The following MRTFA variants were observed in gnomAD, a reference collection of about 807,000 sequenced individuals.
MRTFA encodes myocardin related transcription factor A.
In MRTFA, 20 loss-of-function variants were observed where a neutral mutation model predicts 83.5. The observed-to-expected ratio is 0.24, with a 90% confidence interval of 0.17 to 0.35. The LOEUF is 0.35. Among genes scored for constraint, MRTFA ranks in the 10% least tolerant of loss-of-function variants. The pLI, the probability that MRTFA is intolerant of heterozygous loss-of-function variation, is 1.00. For synonymous variants in MRTFA, 659 were observed against 541.2 expected, an observed-to-expected ratio of 1.22 and a Z score of -3.02; for missense variants, 1,200 against 1,224.7, an observed-to-expected ratio of 0.98 and a Z score of 0.30.
intron 1 of MRTFA, among the ~76,000 whole-genome samples, 153 bp from the exon 2 acceptor site, chr22:40,594,888 A>T (rs995108872): frequency 2.9e-5 from 3 of 101,898 alleles, no homozygotes; most frequent in African/African-American, 8.0e-5. Flanking sequence ...GTCACTGGTT[A>T]AAAAAAAAAA....
chr22:40,575,026 C>T (rs962969143), intron 2 of MRTFA, among the ~76,000 whole-genome samples: 2 of 152,204 alleles, frequency 1.3e-5, no homozygotes, highest in Non-Finnish European at 2.9e-5. Context: ...TATATTTACA[C>T]ACGAGGCAGT....
chr22:40,474,101 A>G (rs567667795), intron 3 of MRTFA, among the ~76,000 whole-genome samples: 5 of 152,304 alleles, frequency 3.3e-5, no homozygotes, highest in African/African-American at 1.2e-4. Flanking sequence ...GGCTTTTGTC[A>G]TTGCTTTTAA....
At chr22:40,559,165 A>G (rs550828068) in intron 2 of MRTFA, among the ~76,000 whole-genome samples, 178 of 152,288 alleles carry the variant, frequency 1.2e-3, no homozygotes, top group Non-Finnish European at 2.4e-3. Flanking sequence ...CAAGGTGGGC[A>G]GATTGTTAGA....
chr22:40,494,506 C>G (rs1434671215), intron 3 of MRTFA, among the ~76,000 whole-genome samples: 6 of 151,852 alleles, frequency 4.0e-5, no homozygotes, highest in Non-Finnish European at 7.4e-5. Flanking sequence ...ATAGTGAGAC[C>G]TCTTCTCTAC....
chr22:40,526,622 A>C (rs186405900), intron 3 of MRTFA: 5 of 152,342 alleles, frequency 3.3e-5, no homozygotes, highest in African/African-American at 1.2e-4. Flanking sequence ...GTTCTGAGCA[A>C]GGAGGGATAT....
At chr22:40,448,272 T>C (rs576780705) in intron 4 of MRTFA, among the ~76,000 whole-genome samples, 3 of 152,194 alleles carry the variant, frequency 2.0e-5, no homozygotes, top group African/African-American at 7.2e-5. Context: ...ATCACACCAC[T>C]GCACTCCAGC....
At chr22:40,423,801 G>A in intron 8 of MRTFA, 116 bp from the exon 9 acceptor site, 1 of 996,034 alleles carries the variant, frequency 1.0e-6, no homozygotes, top group Non-Finnish European at 1.4e-6. Flanking sequence ...CAAATGGTGG[G>A]CAGAGACCGG....
chr22:40,502,200 C>T (rs1200615102), intron 3 of MRTFA, among the ~76,000 whole-genome samples: 2 of 143,666 alleles, frequency 1.4e-5, no homozygotes, highest in East Asian at 2.2e-4. Context: ...GGCTGCCGGG[C>T]GGAGACGCTC....
At chr22:40,456,848 C>T (rs2053594312) in intron 4 of MRTFA, among the ~76,000 whole-genome samples, 1 of 152,152 alleles carries the variant, frequency 6.6e-6, no homozygotes, top group Non-Finnish European at 1.5e-5. Flanking sequence ...CTGGGCTAGC[C>T]TAAGGTCCTA....
chr22:40,434,381 A>T (rs1452492519), intron 5 of MRTFA, among the ~76,000 whole-genome samples: 5 of 122,742 alleles, frequency 4.1e-5, no homozygotes, highest in Admixed American at 7.8e-5. Flanking sequence ...AAGAAAGTTT[A>T]AAAAAAAAAA....
intron 2 of MRTFA, among the ~76,000 whole-genome samples, chr22:40,561,261 T>A (rs1039847909): frequency 4.6e-5 from 7 of 151,604 alleles, no homozygotes; most frequent in African/African-American, 1.7e-4. Flanking sequence ...GGAATTCAAA[T>A]CAACTGAACA....
intron 2 of MRTFA, among the ~76,000 whole-genome samples, chr22:40,586,204 A>G (rs2056025105): frequency 6.6e-6 from 1 of 151,954 alleles, no homozygotes; most frequent in Non-Finnish European, 1.5e-5. Context: ...AGCTACAACA[A>G]GTTGAATTAC....
chr22:40,570,577 C>CAAAAAA lies in MRTFA; in HGVS notation c.-21-18216_-21-18211dup, dbSNP rs894548892. Among the ~76,000 whole-genome samples, 22 of 23,150 alleles carry CAAAAAA rather than the reference C, an allele frequency of 9.5e-4. 1 individual carries two copies. Among genetic ancestry groups the CAAAAAA allele is most frequent in the Middle Eastern group, 0.024 (1 of 42 alleles). The allele number at this position is 23,150 out of a possible 152,430, so 15.2% of individuals were successfully genotyped here. On this transcript the variant is annotated intron_variant, in intron 2 of 14. Coordinates refer to ENST00000355630, the MANE Select transcript of MRTFA (RefSeq NM_020831.6). Reference sequence around the variant, plus strand: ...TAGGCGACAGAGCGAGACTCTGTCTCAAAAAAAAAAAAAAAAAAAAAAAAA... The same window carrying CAAAAAA: ...TAGGCGACAGAGCGAGACTCTGTCTCAAAAAAAAAAAAAAAAAAAAAAAAAAAAAAA...
intron 14 of MRTFA, chr22:40,415,146 T>C (rs1266242880): frequency 6.6e-6 from 1 of 152,388 alleles, no homozygotes; most frequent in Non-Finnish European, 1.5e-5. Context: ...TGCCATCCCT[T>C]AGAAGCTAGA....
At chr22:40,617,301 T>C (rs1001994141) in intron 1 of MRTFA, among the ~76,000 whole-genome samples, 2 of 151,754 alleles carry the variant, frequency 1.3e-5, no homozygotes, top group Non-Finnish European at 2.9e-5. Flanking sequence ...TTTAAAGCTA[T>C]GGGACTGGAT....
chr22:40,613,887 T>TG (rs2056416495), intron 1 of MRTFA, among the ~76,000 whole-genome samples: 1 of 151,094 alleles, frequency 6.6e-6, no homozygotes, highest in African/African-American at 2.4e-5. Flanking sequence ...GCCTGAGTGA[T>TG]GGAGACCCTG....
chr22:40,618,124 G>A (rs558753770), intron 1 of MRTFA, among the ~76,000 whole-genome samples: 1 of 151,754 alleles, frequency 6.6e-6, no homozygotes, highest in African/African-American at 2.4e-5. Context: ...GCCCAGGCTG[G>A]AGCACACTGG....
At chr22:40,622,916 T>G (rs1296247623) in intron 1 of MRTFA, among the ~76,000 whole-genome samples, 2 of 152,202 alleles carry the variant, frequency 1.3e-5, no homozygotes, top group African/African-American at 4.8e-5. Flanking sequence ...GTGATCAGAT[T>G]ATGGATATAT....
intron 4 of MRTFA, among the ~76,000 whole-genome samples, chr22:40,437,771 A>G (rs2053199401): frequency 6.6e-6 from 1 of 151,886 alleles, no homozygotes; most frequent in Admixed American, 6.6e-5. Context: ...TCAAAAAAAA[A>G]AAAAAAAGGC....
Sources: allele counts gnomAD v4.1 joint callset (sites outside exome capture counted in the v4.1 genomes callset), GRCh38; gene constraint gnomAD v4.1.1; transcripts MANE v1.5; gene names NCBI Gene and HGNC (gene_info 2026-07-23, HGNC 2026-07-21).